The following FAM107B variants were observed in gnomAD, a reference collection of about 807,000 sequenced individuals.
The protein encoded by FAM107B is protein FAM107B.
In FAM107B, 21 loss-of-function variants were observed where a neutral mutation model predicts 31.5. The observed-to-expected ratio is 0.67, with a 90% CI of 0.47 to 0.96. FAM107B has a LOEUF of 0.96. Among genes scored for constraint, FAM107B ranks in the 40% least tolerant of loss-of-function variants. FAM107B has a pLI of 0.00. For synonymous variants in FAM107B, 157 were observed against 141.5 expected, an observed-to-expected ratio of 1.11 and a Z score of -0.78; for missense variants, 452 against 377.1, an observed-to-expected ratio of 1.20 and a Z score of -1.64.
At chr10:14,770,448 G>A (rs554578671) in intron 1 of FAM107B, among the ~76,000 whole-genome samples, 3 of 152,078 alleles carry the variant, frequency 2.0e-5, no homozygotes, top group East Asian at 3.9e-4. Flanking sequence ...ACTTGAACAC[G>A]GGAGGCAGAA....
intron 2 of FAM107B, among the ~76,000 whole-genome samples, chr10:14,611,484 TTATATATATATA>T (rs3035276): frequency 0.037 from 4,549 of 124,560 alleles, 169 homozygotes; most frequent in South Asian, 0.14. Context: ...AATGCCAGTT[TTATATATATATA>T]TATATATATA....
intron 2 of FAM107B, chr10:14,554,223 C>T (rs907007215): frequency 6.8e-6 from 6 of 877,728 alleles, no homozygotes; most frequent in Non-Finnish European, 8.2e-6. Flanking sequence ...ACACCTCCCC[C>T]ACGAATACTT....
At chr10:14,684,136 G>A (rs911928426) in intron 1 of FAM107B, among the ~76,000 whole-genome samples, 6 of 152,150 alleles carry the variant, frequency 3.9e-5, no homozygotes, top group African/African-American at 1.4e-4. Context: ...TGCTGGAAGG[G>A]GCTCCCTGGG....
chr10:14,753,797 C>T (rs1832875568), intron 1 of FAM107B, among the ~76,000 whole-genome samples: 1 of 151,890 alleles, frequency 6.6e-6, no homozygotes, highest in Admixed American at 6.6e-5. Flanking sequence ...TTTTAGTAAC[C>T]AGAGAAAGTA....
chr10:14,747,922 T>C (rs1832757234), intron 1 of FAM107B, among the ~76,000 whole-genome samples: 1 of 152,244 alleles, frequency 6.6e-6, no homozygotes, highest in Non-Finnish European at 1.5e-5. Context: ...GATCCATCTC[T>C]GCCTGTCCCT....
At chr10:14,598,838 C>T (rs566725346) in intron 2 of FAM107B, among the ~76,000 whole-genome samples, 3 of 152,186 alleles carry the variant, frequency 2.0e-5, no homozygotes, top group Non-Finnish European at 4.4e-5. Flanking sequence ...GTGCATATAA[C>T]CCAGGCGACC....
At chr10:14,608,787 A>AC (rs569572859) in intron 2 of FAM107B, among the ~76,000 whole-genome samples, 6 of 151,984 alleles carry the variant, frequency 3.9e-5, no homozygotes, top group East Asian at 1.9e-4. Context: ...GGAGAAAGAG[A>AC]CCCCCCTTGA....
intron 1 of FAM107B, among the ~76,000 whole-genome samples, chr10:14,709,992 T>C (rs972305166): frequency 6.6e-6 from 1 of 152,152 alleles, no homozygotes; most frequent in Admixed American, 6.5e-5. Context: ...TATGATACTA[T>C]AATGGTAGAT....
At chr10:14,737,047 G>C (rs1856315827) in intron 1 of FAM107B, among the ~76,000 whole-genome samples, 1 of 152,146 alleles carries the variant, frequency 6.6e-6, no homozygotes, top group Admixed American at 6.5e-5. Context: ...GACAGACAAG[G>C]AAAAGGGAAG....
At chr10:14,602,059 G>C (rs1046136920) in intron 2 of FAM107B, among the ~76,000 whole-genome samples, 4 of 152,206 alleles carry the variant, frequency 2.6e-5, no homozygotes, top group Non-Finnish European at 5.9e-5. Flanking sequence ...TGGGGTAGGA[G>C]ATTGTGACAT....
At chr10:14,559,151 C>T (rs894018626) in intron 2 of FAM107B, among the ~76,000 whole-genome samples, 4 of 150,068 alleles carry the variant, frequency 2.7e-5, no homozygotes, top group African/African-American at 9.8e-5. Context: ...AGCTCCAGCA[C>T]AGGGAGCAGA....
intron 1 of FAM107B, among the ~76,000 whole-genome samples, chr10:14,727,974 G>A (rs1856074658): frequency 6.6e-6 from 1 of 152,148 alleles, no homozygotes. Flanking sequence ...GTATGCCAGT[G>A]ATCAGTAACC....
At chr10:14,665,820 G>A (rs148856814) in intron 2 of FAM107B, among the ~76,000 whole-genome samples, 72 of 152,318 alleles carry the variant, frequency 4.7e-4, no homozygotes, top group African/African-American at 1.7e-3. Context: ...AGTGTTCCCA[G>A]CAGAACTTTG....
At chr10:14,727,291 C>T (rs117387216) in intron 1 of FAM107B, among the ~76,000 whole-genome samples, 1 of 152,200 alleles carries the variant, frequency 6.6e-6, no homozygotes, top group African/African-American at 2.4e-5. Flanking sequence ...CCCTGCTTTA[C>T]ACTCTGACTT....
intron 2 of FAM107B, among the ~76,000 whole-genome samples, chr10:14,663,915 G>GAAAAAAA (rs1854334396): frequency 1.2e-5 from 1 of 86,852 alleles, no homozygotes; most frequent in African/African-American, 4.1e-5. Context: ...AAAAAAAAAT[G>GAAAAAAA]GGCTGAACTC....
At chr10:14,767,053 TATAG>T (rs1232177926) in intron 1 of FAM107B, among the ~76,000 whole-genome samples, 36 of 26,406 alleles carry the variant, frequency 1.4e-3, no homozygotes, top group African/African-American at 3.5e-3. Context: ...TATATATATA[TATAG>T]AGAGAGAGAG....
intron 1 of FAM107B, among the ~76,000 whole-genome samples, chr10:14,700,650 T>G (rs1468469870): frequency 6.6e-6 from 1 of 151,896 alleles, no homozygotes; most frequent in Non-Finnish European, 1.5e-5. Context: ...CTGCTGCAAC[T>G]CCCTCTACAT....
chr10:14,613,992 G>C (rs957955989), intron 2 of FAM107B, among the ~76,000 whole-genome samples: 3 of 152,036 alleles, frequency 2.0e-5, no homozygotes, highest in African/African-American at 7.3e-5. Flanking sequence ...TTAGTCAGGA[G>C]TGTTGGCGGG....
At chr10:14,758,391 T>G (rs1832972078) in intron 1 of FAM107B, among the ~76,000 whole-genome samples, 1 of 152,218 alleles carries the variant, frequency 6.6e-6, no homozygotes, top group South Asian at 2.1e-4. Flanking sequence ...ATCCTCGGTC[T>G]CCATGAAGTA....
Sources: gnomAD v4.1 joint callset for allele counts (sites outside exome capture counted in the v4.1 genomes callset) on GRCh38, gnomAD v4.1.1 for gene constraint, MANE v1.5 for transcripts, NCBI Gene and HGNC (gene_info 2026-07-23, HGNC 2026-07-21) for gene names.